DLGAP2: variants seen among roughly 807,000 people sequenced by gnomAD.
DLGAP2 encodes DLG associated protein 2, also known as disks large-associated protein 2.
A neutral mutation model predicts 100.3 loss-of-function variants in DLGAP2; 26 were observed. The ratio of observed to expected loss-of-function variants is 0.26; its 90% CI spans 0.19 to 0.36. The LOEUF is 0.36. DLGAP2 is among the 10% of genes least tolerant of loss of function. DLGAP2 has a pLI of 1.00. For missense variants in DLGAP2, 1,858 were observed against 1,453.2 expected, an observed-to-expected ratio of 1.28 and a Z score of -4.53; for synonymous variants, 886 against 630.1, an observed-to-expected ratio of 1.41 and a Z score of -6.08.
chr8:1,088,483 G>T lies in DLGAP2; in HGVS notation c.74-170368G>T, dbSNP rs538182930. On this transcript the variant is annotated intron_variant, in intron 2 of 14. Transcript: ENST00000637795. ...AAATTCAGAAAACAGCTGAATTTTA[G>T]TCTTTCTCTGTCTGTTTTTCATGCC... Among the ~76,000 whole-genome samples, 3 of 152,310 alleles carry T rather than the reference G, an allele frequency of 2.0e-5. No individual in the cohort carries two copies. The South Asian group carries it at 6.2e-4, about 32-fold the overall frequency.
chr8:1,450,643 C>G (rs967685411), intron 3 of DLGAP2, among the ~76,000 whole-genome samples: 1 of 151,988 alleles, frequency 6.6e-6, no homozygotes, highest in Admixed American at 6.5e-5. Flanking sequence ...TCTTCCCCCC[C>G]ATCATTCCCA....
At chr8:1,463,361 A>C (rs779682857) in intron 3 of DLGAP2, among the ~76,000 whole-genome samples, 6 of 152,274 alleles carry the variant, frequency 3.9e-5, no homozygotes, top group African/African-American at 1.4e-4. Flanking sequence ...TACGTGTGTC[A>C]TAAAATACAT....
intron 3 of DLGAP2, among the ~76,000 whole-genome samples, chr8:1,465,445 TG>T (rs1798598662): frequency 6.8e-6 from 1 of 146,786 alleles, no homozygotes. Context: ...GGAAGGGGCG[TG>T]GGGTTCCATT....
At chr8:1,545,988 A>T (rs936890755) in intron 4 of DLGAP2, among the ~76,000 whole-genome samples, 5 of 152,240 alleles carry the variant, frequency 3.3e-5, no homozygotes, top group Non-Finnish European at 5.9e-5. Flanking sequence ...TAATAGGATG[A>T]CAACTTTATG....
intron 3 of DLGAP2, among the ~76,000 whole-genome samples, chr8:1,280,272 G>A (rs1455471188): frequency 1.3e-5 from 2 of 152,074 alleles, no homozygotes; most frequent in African/African-American, 4.8e-5. Flanking sequence ...AACCATCTCT[G>A]CACTTAGTTT....
chr8:1,236,377 TAC>T (rs1437302821), intron 2 of DLGAP2, among the ~76,000 whole-genome samples: 11 of 51,570 alleles, frequency 2.1e-4, no homozygotes, highest in South Asian at 6.1e-4. Context: ...CGTGTCTAGT[TAC>T]CTATCACATG....
At chr8:1,122,229 G>A (rs1796065867) in intron 2 of DLGAP2, among the ~76,000 whole-genome samples, 1 of 152,156 alleles carries the variant, frequency 6.6e-6, no homozygotes, top group Non-Finnish European at 1.5e-5. Flanking sequence ...GGACATCACT[G>A]GGTGACCCTG....
chr8:1,160,089 C>T (rs1000641958), intron 2 of DLGAP2, among the ~76,000 whole-genome samples: 9 of 152,244 alleles, frequency 5.9e-5, no homozygotes, highest in African/African-American at 1.7e-4. Flanking sequence ...TTCCATCTCC[C>T]ACAGCCCGGA....
chr8:1,201,315 C>T (rs1238377870), intron 2 of DLGAP2, among the ~76,000 whole-genome samples: 2 of 152,298 alleles, frequency 1.3e-5, no homozygotes, highest in African/African-American at 2.4e-5. Flanking sequence ...AGGCCCTCAG[C>T]GACCCTGGAA....
Position 852,424 on chromosome 8 carries a change from A to G in DLGAP2, c.19-55488A>G, listed in dbSNP as rs77606882. On this transcript the variant is annotated intron_variant, in intron 1 of 14. Coordinates refer to ENST00000637795, the MANE Select transcript of DLGAP2 (RefSeq NM_001346810.2). ...AGAAAGAACACTAATGGCAAATCCA[A>G]TGAAACCATCATGATTCTTTTGTCC... Among the ~76,000 whole-genome samples, 282 of 152,336 alleles carry G rather than the reference A, an allele frequency of 1.9e-3. 1 individual carries two copies. The highest frequency in any genetic ancestry group is 6.5e-3 in the African/African-American group (269 of 41,588).
chr8:1,525,249 C>G (rs555387070), intron 4 of DLGAP2, among the ~76,000 whole-genome samples: 51 of 136,600 alleles, frequency 3.7e-4, no homozygotes, highest in African/African-American at 1.4e-3. Flanking sequence ...GGGGAGCAAA[C>G]TTACCTTAAA....
chr8:1,520,802 T>C (rs757882), intron 4 of DLGAP2, among the ~76,000 whole-genome samples: 92,511 of 152,072 alleles, frequency 0.61, 28,923 homozygotes, highest in South Asian at 0.82. Flanking sequence ...CAATTGTGAA[T>C]AATGTTGCTA....
At chr8:1,317,499 G>T (rs1421986149) in intron 3 of DLGAP2, among the ~76,000 whole-genome samples, 1 of 141,494 alleles carries the variant, frequency 7.1e-6, no homozygotes, top group Non-Finnish European at 1.5e-5. Flanking sequence ...CTACACTCGA[G>T]ACACTTGGCA....
intron 1 of DLGAP2, among the ~76,000 whole-genome samples, chr8:746,590 G>C (rs1200807107): frequency 6.6e-5 from 10 of 152,266 alleles, no homozygotes; most frequent in Admixed American, 6.5e-4. Flanking sequence ...TGCTGGGCAT[G>C]AGCCCCTCAT....
At chr8:803,073 G>T (rs918738766) in intron 1 of DLGAP2, among the ~76,000 whole-genome samples, 1 of 152,178 alleles carries the variant, frequency 6.6e-6, no homozygotes, top group African/African-American at 2.4e-5. Context: ...CTGCCATGAC[G>T]GGCTTGGACG....
At chr8:1,298,624 G>C (rs1218779249) in intron 3 of DLGAP2, among the ~76,000 whole-genome samples, 1 of 152,066 alleles carries the variant, frequency 6.6e-6, no homozygotes, top group Non-Finnish European at 1.5e-5. Context: ...GCAGAAGCAT[G>C]GCAGGCGCTG....
chr8:1,155,836 G>A (rs1796773466), intron 2 of DLGAP2, among the ~76,000 whole-genome samples: 1 of 152,208 alleles, frequency 6.6e-6, no homozygotes, highest in Admixed American at 6.5e-5. Context: ...TCTCGAGTGG[G>A]CGAGCGGCGT....
intron 3 of DLGAP2, among the ~76,000 whole-genome samples, chr8:1,283,071 G>C (rs866443239): frequency 7.4e-6 from 1 of 134,976 alleles, no homozygotes; most frequent in African/African-American, 2.9e-5. Context: ...AACCCAGCAC[G>C]TGAAGCATCC....
chr8:1,417,167 G>GGCGGAGGAGA (rs150473822), intron 3 of DLGAP2, among the ~76,000 whole-genome samples: 5 of 85,474 alleles, frequency 5.8e-5, no homozygotes, highest in East Asian at 8.3e-4. Flanking sequence ...TGAAGGGGAA[G>GGCGGAGGAGA]CCCCCGTTCA....
Sources: allele counts gnomAD v4.1 joint callset (sites outside exome capture counted in the v4.1 genomes callset), GRCh38; gene constraint gnomAD v4.1.1; transcripts MANE v1.5; gene names NCBI Gene and HGNC (gene_info 2026-07-23, HGNC 2026-07-21).